The following B4GALT1 variants were observed in gnomAD, a reference collection of about 807,000 sequenced individuals.
B4GALT1 encodes beta-1,4-galactosyltransferase 1, also known as N-acetyllactosamine synthase.
B4GALT1 carries 16 observed loss-of-function variants against 34.9 expected under a neutral mutation model. That is an observed-to-expected ratio of 0.46 (90% CI 0.31 to 0.70). The LOEUF (loss-of-function observed/expected upper bound fraction) is 0.70. Among genes scored for constraint, B4GALT1 ranks in the 30% least tolerant of loss-of-function variants. The pLI, the probability that B4GALT1 is intolerant of heterozygous loss-of-function variation, is 0.05. For missense variants in B4GALT1, 445 were observed against 530.5 expected (o/e 0.84, Z 1.58); for synonymous variants, 221 against 218.1 (o/e 1.01, Z -0.12).
At chr9:33,152,310 ATAACATAAC>A (rs1840528953) in intron 1 of B4GALT1, among the ~76,000 whole-genome samples, 2 of 32,452 alleles carry the variant, frequency 6.2e-5, no homozygotes, top group South Asian at 1.1e-3. Context: ...TCTCCAAAAA[ATAACATAAC>A]ATAACATAAC....
chr9:33,162,073 A>C (rs1469152439), intron 1 of B4GALT1, among the ~76,000 whole-genome samples: 1 of 152,188 alleles, frequency 6.6e-6, no homozygotes, highest in Admixed American at 6.5e-5. Context: ...GCTTAGTCCC[A>C]GCCTGGAAAT....
At chr9:33,144,159 C>T (rs1840392258) in intron 1 of B4GALT1, among the ~76,000 whole-genome samples, 2 of 152,188 alleles carry the variant, frequency 1.3e-5, no homozygotes, top group African/African-American at 2.4e-5. Flanking sequence ...GTTGGGATTA[C>T]AGGCATGAGC....
At position 33,113,496 on chromosome 9, in the gene B4GALT1, T is replaced by C. The variant is rs778805351; in HGVS notation, c.1155A>G (p.Pro385=). 3 of 1,614,212 alleles carry C rather than the reference T, an allele frequency of 1.9e-6. No individual in the cohort carries two copies. Among genetic ancestry groups the C allele is most frequent in the Non-Finnish European group, 8.5e-7 (1 of 1,180,036 alleles). The part of the protein sequence containing the change: ...TYQVLDVQRY[P]LYTQITVDIG... ...TGTCCACTGTGATTTGGGTATACAA[T>C]GGGTATCTCTGTACATCCAGCACCT... is the stretch of plus-strand genomic sequence containing the variant. The change falls in exon 6 of 6, where the codon CCA becomes CCG. Residue 385 remains proline (P), a synonymous_variant. Coordinates refer to ENST00000379731, the MANE Select transcript of B4GALT1 (RefSeq NM_001497.4).
exon 3 of B4GALT1, chr9:33,104,643 T>C (rs1839780368): frequency 2.3e-6 from 1 of 427,524 alleles, no homozygotes; most frequent in Non-Finnish European, 4.6e-6. Flanking sequence ...CCTCCTCAGG[T>C]GGCACAGCCC....
In B4GALT1 at chr9:33,166,881, C is replaced by T. The variant is rs1177565118; in HGVS notation, c.289G>A (p.Gly97Ser). The T allele has an allele frequency of 6.3e-7, 1 of 1,577,788 alleles. No homozygotes were observed. Residue 97 changes from glycine to serine, a missense_variant, in exon 1 of 6, where the codon GGT becomes AGT. By Grantham distance (56) the Gly-to-Ser change is moderately conservative. Around this residue, in one of 3 missense-constraint regions of B4GALT1, gnomAD observed 349 missense variants for 395.5 expected, o/e 0.88. Coordinates refer to ENST00000379731, the MANE Select transcript of B4GALT1 (RefSeq NM_001497.4). ...TCCACGACTGGGCTGGAGTCGCCACCCGGGCGCGGCTGGGAGGAGGCGCCT... is the reference window on the plus strand; with the variant it reads ...TCCACGACTGGGCTGGAGTCGCCACTCGGGCGCGGCTGGGAGGAGGCGCCT... ...PLGASSQPRPGGDSSPVVDSG... is the reference protein window; with the variant it reads ...PLGASSQPRPSGDSSPVVDSG...
the B4GALT1 span, among the ~76,000 whole-genome samples, chr9:33,172,405 G>A: frequency 6.6e-6 from 1 of 152,158 alleles, no homozygotes; most frequent in East Asian, 1.9e-4. Flanking sequence ...ATGAAACGTG[G>A]TGGAAATTTG....
intron 2 of B4GALT1, among the ~76,000 whole-genome samples, chr9:33,125,115 T>C (rs893038724): frequency 1.3e-5 from 2 of 152,050 alleles, no homozygotes; most frequent in African/African-American, 4.8e-5. Flanking sequence ...AGAAAACATA[T>C]AAAATCCCCA....
intron 1 of B4GALT1, among the ~76,000 whole-genome samples, chr9:33,153,676 C>G (rs1039479827): frequency 6.6e-6 from 1 of 152,040 alleles, no homozygotes; most frequent in African/African-American, 2.4e-5. Flanking sequence ...AATAGAAGGT[C>G]TGAATAGACC....
intron 1 of B4GALT1, among the ~76,000 whole-genome samples, chr9:33,136,282 G>A (rs1172656508): frequency 2.0e-5 from 3 of 152,116 alleles, no homozygotes; most frequent in African/African-American, 7.2e-5. Flanking sequence ...AAATGGATGA[G>A]GTGCAGATTG....
intron 2 of B4GALT1, among the ~76,000 whole-genome samples, chr9:33,134,356 A>C (rs769122741): frequency 1.3e-5 from 2 of 152,208 alleles, no homozygotes; most frequent in Non-Finnish European, 2.9e-5. Flanking sequence ...ATTTCAATGA[A>C]ACTGGGTGCT....
intron 4 of B4GALT1, among the ~76,000 whole-genome samples, chr9:33,114,632 C>T (rs1201449318): frequency 6.6e-6 from 1 of 152,160 alleles, no homozygotes; most frequent in Non-Finnish European, 1.5e-5. Flanking sequence ...GAGAACAAGA[C>T]TAGAGGCAGC....
chr9:33,159,250 C>T (rs1003566726), intron 1 of B4GALT1, among the ~76,000 whole-genome samples: 1 of 152,190 alleles, frequency 6.6e-6, no homozygotes, highest in South Asian at 2.1e-4. Flanking sequence ...AAGAAAAAAA[C>T]TTAAGGCATT....
intron 2 of B4GALT1, among the ~76,000 whole-genome samples, chr9:33,128,303 G>A (rs957663991): frequency 3.9e-5 from 6 of 152,216 alleles, no homozygotes; most frequent in Non-Finnish European, 8.8e-5. Context: ...GTGAGGAAAA[G>A]AGAGGCAAAT....
At chr9:33,122,360 A>C (rs1840033193) in intron 2 of B4GALT1, among the ~76,000 whole-genome samples, 1 of 152,012 alleles carries the variant, frequency 6.6e-6, no homozygotes. Flanking sequence ...TCTACAAAAA[A>C]TTACAAAAAT....
intron 2 of B4GALT1, among the ~76,000 whole-genome samples, chr9:33,126,983 AT>A (rs1840120788): frequency 6.6e-6 from 1 of 152,150 alleles, no homozygotes; most frequent in South Asian, 2.1e-4. Flanking sequence ...TTTTTTTAAA[AT>A]GGAGTCTCAC....
intron 2 of B4GALT1, among the ~76,000 whole-genome samples, chr9:33,125,002 T>C (rs10971420): frequency 0.37 from 56,492 of 151,996 alleles, 11,213 homozygotes; most frequent in East Asian, 0.59. Context: ...TTTTAAAGGG[T>C]GGGCCTAATC....
At chr9:33,169,184 A>T (rs567592429), upstream of B4GALT1, among the ~76,000 whole-genome samples, 1 of 152,312 alleles carries the variant, frequency 6.6e-6, no homozygotes, top group South Asian at 2.1e-4. Flanking sequence ...GCATCCAGGA[A>T]ATCTTTGTAA....
At position 33,135,237 on chromosome 9, in the gene B4GALT1, T is replaced by C; in HGVS notation, c.600A>G (p.Pro200=). ...HLKYWLYYLH[P]VLQRQQLDYG... ...AGTCCAGCTGCTGGCGCTGCAGGAC[T>C]GGGTGCAAATAATATAGCCAGTACT... The change falls in exon 2 of 6, where the codon CCA becomes CCG. Residue 200 remains proline (P), a synonymous_variant. Coordinates refer to ENST00000379731, the MANE Select transcript of B4GALT1 (RefSeq NM_001497.4). The C allele has an allele frequency of 6.2e-7, 1 of 1,614,156 alleles. No individual in the cohort carries two copies. Among genetic ancestry groups the C allele is most frequent in the Middle Eastern group, 1.6e-4 (1 of 6,062 alleles).
the B4GALT1 span, among the ~76,000 whole-genome samples, chr9:33,182,851 A>T: frequency 2.6e-5 from 4 of 152,170 alleles, no homozygotes; most frequent in Admixed American, 1.3e-4. Context: ...GGAAAATTTT[A>T]AAAATATACA....
Sources: gnomAD v4.1 joint callset for allele counts (sites outside exome capture counted in the v4.1 genomes callset) on GRCh38, gnomAD v4.1.1 for gene constraint, gnomAD v4.1.1 regional missense constraint, MANE v1.5 for transcripts, NCBI Gene and HGNC (gene_info 2026-07-23, HGNC 2026-07-21) for gene names.